The following NHERF2 variants were observed in gnomAD, a reference collection of about 807,000 sequenced individuals.
NHERF2 encodes NHERF family PDZ scaffold protein 2.
At chr16:2,035,830 T>C in the NHERF2 span, 30 of 335,324 alleles carry the variant, frequency 8.9e-5, no homozygotes, top group South Asian at 3.3e-3. Flanking sequence ...CTCATTTTCC[T>C]GGAATGTGAA....
At chr16:2,029,898 T>C in the NHERF2 span, 1 of 879,528 alleles carries the variant, frequency 1.1e-6, no homozygotes, top group East Asian at 2.7e-5. Flanking sequence ...TTCTGCCTTT[T>C]GGGGCTCCTT....
the NHERF2 span, among the ~76,000 whole-genome samples, chr16:2,028,157 C>G: frequency 6.6e-6 from 1 of 152,254 alleles, no homozygotes. Context: ...GAATCCATAA[C>G]CTGTCTACAT....
the NHERF2 span, chr16:2,035,769 A>G: frequency 4.7e-5 from 37 of 790,592 alleles, no homozygotes; most frequent in Non-Finnish European, 7.7e-6. Context: ...CCCTGTCCAC[A>G]CTAAGCTCCT....
chr16:2,035,513 G>A, the NHERF2 span: 10 of 986,300 alleles, frequency 1.0e-5, no homozygotes, highest in African/African-American at 1.7e-5. Context: ...CAAGCTTGGC[G>A]CTCCCTGGAA....
chr16:2,030,660 C>A, the NHERF2 span, among the ~76,000 whole-genome samples: 3 of 150,334 alleles, frequency 2.0e-5, no homozygotes, highest in African/African-American at 7.4e-5. Flanking sequence ...GAACCCTGGC[C>A]GGGTGCGGTG....
At chr16:2,036,578 G>A in the NHERF2 span, 9 of 1,521,340 alleles carry the variant, frequency 5.9e-6, no homozygotes, top group African/African-American at 4.1e-5. Context: ...TCCTTGCAGG[G>A]AGGAGGGAGA....
the NHERF2 span, chr16:2,036,903 A>G: frequency 3.1e-6 from 5 of 1,596,316 alleles, no homozygotes; most frequent in Non-Finnish European, 4.3e-6. Flanking sequence ...CCCAGGGCAC[A>G]GGGTGGGTGC....
At chr16:2,028,201 G>GT in the NHERF2 span, among the ~76,000 whole-genome samples, 1 of 152,360 alleles carries the variant, frequency 6.6e-6, no homozygotes, top group East Asian at 1.9e-4. Context: ...TAGCAGGTTG[G>GT]TTCAGCTGGA....
the NHERF2 span, chr16:2,035,270 T>G: frequency 7.7e-6 from 3 of 389,818 alleles, no homozygotes; most frequent in Non-Finnish European, 7.0e-6. Flanking sequence ...GACATGGCCG[T>G]TTCTGGTCCA....
At chr16:2,027,244 C>T in the NHERF2 span, 2 of 1,247,296 alleles carry the variant, frequency 1.6e-6, no homozygotes, top group Admixed American at 4.2e-5. Context: ...CGCCCCCGGC[C>T]CGCCGCCCCC....
the NHERF2 span, chr16:2,036,307 G>A: frequency 6.1e-5 from 98 of 1,595,822 alleles, 1 homozygote; most frequent in Middle Eastern, 1.7e-4. Context: ...GACTGACCCT[G>A]TCCGTTGGGC....
the NHERF2 span, among the ~76,000 whole-genome samples, chr16:2,037,347 G>A: frequency 2.0e-5 from 3 of 152,118 alleles, no homozygotes; most frequent in Non-Finnish European, 2.9e-5. Flanking sequence ...ACCATGAGCC[G>A]GCCAGGCCAC....
chr16:2,038,470 C>T, the NHERF2 span: 60 of 374,064 alleles, frequency 1.6e-4, 1 homozygote, highest in East Asian at 7.1e-3. Context: ...TAAAACAAAC[C>T]TTTCTCTGCA....
the NHERF2 span, chr16:2,038,221 C>CAGAG: frequency 4.2e-4 from 241 of 568,120 alleles, no homozygotes; most frequent in Non-Finnish European, 5.6e-4. Context: ...GAGACAGAGA[C>CAGAG]AGAGAGAGAG....
chr16:2,037,540 C>G, the NHERF2 span: 17 of 1,610,990 alleles, frequency 1.1e-5, no homozygotes, highest in Middle Eastern at 1.7e-4. Context: ...TTTCCCAGCT[C>G]AATGGTGGCT....
At chr16:2,027,726 C>A in the NHERF2 span, among the ~76,000 whole-genome samples, 1 of 152,294 alleles carries the variant, frequency 6.6e-6, no homozygotes, top group South Asian at 2.1e-4. Context: ...GTATACAGGT[C>A]TGCACGTGTG....
At chr16:2,035,614 C>T in the NHERF2 span, 1 of 986,378 alleles carries the variant, frequency 1.0e-6, no homozygotes, top group Non-Finnish European at 1.2e-6. Context: ...CTGGCCCACC[C>T]CCTGGCTGGG....
the NHERF2 span, among the ~76,000 whole-genome samples, chr16:2,032,018 C>T: frequency 0.012 from 1,723 of 147,142 alleles, 40 homozygotes; most frequent in African/African-American, 0.041. This position sits in a 1 kb window ranked among gnomAD's most constrained non-coding sequence, Gnocchi z 4.0. Flanking sequence ...TCATTTCTTT[C>T]TTTCTTTTTT....
chr16:2,032,251 C>T, the NHERF2 span, among the ~76,000 whole-genome samples: 1 of 152,074 alleles, frequency 6.6e-6, no homozygotes, highest in Non-Finnish European at 1.5e-5. The surrounding 1 kb of genome is among the most constrained non-coding windows in gnomAD (Gnocchi z 4.0). Context: ...AACTCTTGGG[C>T]TCAAGTGATC....
Sources: allele counts gnomAD v4.1 joint callset (sites outside exome capture counted in the v4.1 genomes callset), GRCh38; gene constraint gnomAD v4.1.1; non-coding constraint Gnocchi (gnomAD v3.1); transcripts MANE v1.5; gene names NCBI Gene and HGNC (gene_info 2026-07-23, HGNC 2026-07-21).